The following FAM184B variants were observed in gnomAD, a reference collection of about 807,000 sequenced individuals.
FAM184B encodes the protein family with sequence similarity 184 member B, also known as protein FAM184B.
A neutral mutation model predicts 135.9 loss-of-function variants in FAM184B; 111 were observed. The ratio of observed to expected loss-of-function variants is 0.82; its 90% CI spans 0.70 to 0.96. The LOEUF (loss-of-function observed/expected upper bound fraction) is 0.96, where lower values mean the gene tolerates loss of function less well. Ranked by LOEUF, FAM184B falls within the 40% of genes least tolerant of loss-of-function variation. FAM184B has a pLI of 0.00. For missense variants in FAM184B, 1,375 were observed against 1,323.9 expected (o/e 1.04, Z -0.60); for synonymous variants, 552 against 524.8 (o/e 1.05, Z -0.71).
chr4:17,671,584 A>G (rs1432672019), intron 7 of FAM184B, among the ~76,000 whole-genome samples: 1 of 152,152 alleles, frequency 6.6e-6, no homozygotes, highest in East Asian at 1.9e-4. Context: ...TGTCTAATGC[A>G]TGGACACCAA....
At chr4:17,732,386 A>G (rs1405703658) in intron 1 of FAM184B, among the ~76,000 whole-genome samples, 5 of 152,374 alleles carry the variant, frequency 3.3e-5, no homozygotes, top group African/African-American at 7.2e-5. Flanking sequence ...AAAAACATCA[A>G]TGAATCCAGG....
chr4:17,639,762 C>T (rs1715253377), intron 13 of FAM184B, among the ~76,000 whole-genome samples: 1 of 151,960 alleles, frequency 6.6e-6, no homozygotes, highest in African/African-American at 2.4e-5. Context: ...GGCCTGAACG[C>T]TGGGACTCTG....
chr4:17,724,296 C>T (rs1386431270), intron 1 of FAM184B, among the ~76,000 whole-genome samples: 1 of 152,112 alleles, frequency 6.6e-6, no homozygotes, highest in African/African-American at 2.4e-5. Context: ...TTCTATGATG[C>T]ACATGGCACT....
chr4:17,766,690 G>A (rs1252660931), intron 1 of FAM184B, among the ~76,000 whole-genome samples: 2 of 152,228 alleles, frequency 1.3e-5, no homozygotes, highest in East Asian at 1.9e-4. Flanking sequence ...CAATCCCTTC[G>A]CTAGACATAA....
chr4:17,644,543 TG>T (rs1254493863), intron 12 of FAM184B, among the ~76,000 whole-genome samples: 1 of 152,224 alleles, frequency 6.6e-6, no homozygotes, highest in Non-Finnish European at 1.5e-5. Flanking sequence ...CAGCCCTTCA[TG>T]CTAAAAACTC....
At chr4:17,759,453 A>G (rs1381294973) in intron 1 of FAM184B, among the ~76,000 whole-genome samples, 1 of 151,738 alleles carries the variant, frequency 6.6e-6, no homozygotes, top group African/African-American at 2.4e-5. Context: ...AGCCAATTAA[A>G]TCTCTTTTCT....
At chr4:17,689,645 T>A (rs1013442437) in intron 6 of FAM184B, among the ~76,000 whole-genome samples, 3 of 152,072 alleles carry the variant, frequency 2.0e-5, no homozygotes, top group South Asian at 2.1e-4. Flanking sequence ...TTTAAAAAAA[T>A]TATTTTCTTT....
chr4:17,635,318 A>G (rs1056724613), intron 15 of FAM184B, among the ~76,000 whole-genome samples: 6 of 152,314 alleles, frequency 3.9e-5, no homozygotes, highest in Admixed American at 3.9e-4. Flanking sequence ...TTGTAAAGAA[A>G]AGGGCAAGCT....
At chr4:17,668,811 C>T (rs573998636) in intron 7 of FAM184B, among the ~76,000 whole-genome samples, 2 of 152,350 alleles carry the variant, frequency 1.3e-5, no homozygotes, top group East Asian at 3.9e-4. Flanking sequence ...GCTGGGATTA[C>T]AGGCATGAGC....
chr4:17,692,047 G>A (rs1428477246), intron 6 of FAM184B, among the ~76,000 whole-genome samples: 19 of 106,794 alleles, frequency 1.8e-4, no homozygotes, highest in African/African-American at 1.9e-4. Context: ...GCGAGACTCC[G>A]TCTCAAAAAA....
In FAM184B at chr4:17,709,622, C is replaced by A. The variant is rs557375448; in HGVS notation, c.164G>T (p.Arg55Leu). Residue 55 changes from arginine to leucine, a missense_variant, in exon 2 of 18, where the codon CGC becomes CTC. By Grantham distance (102) the Arg-to-Leu change is moderately radical. Coordinates refer to ENST00000265018, the MANE Select transcript of FAM184B (RefSeq NM_015688.2). ...LTKVIYALNT[R>L]QDEAEASMEA... ...CATGCTGGCCTCAGCCTCATCCTGG[C>A]GGGTGTTCAGGGCATAAATCACCTG... is the stretch of plus-strand genomic sequence containing the variant. The A allele has an allele frequency of 9.2e-6, 14 of 1,520,520 alleles. No homozygotes were observed. The African/African-American group carries it at 1.9e-4, about 21-fold the overall frequency. The allele number at this position is 1,520,520 out of a possible 1,614,324, so 94.2% of individuals were successfully genotyped here.
chr4:17,698,822 G>T (rs1056394191), intron 5 of FAM184B, among the ~76,000 whole-genome samples: 1 of 152,136 alleles, frequency 6.6e-6, no homozygotes, highest in Non-Finnish European at 1.5e-5. Context: ...TTAACTGCCT[G>T]TCAAAACAAA....
Position 17,743,108 on chromosome 4 carries a change from C to T in FAM184B, c.142-33464G>A, listed in dbSNP as rs532709826. On this transcript the variant is annotated intron_variant, in intron 1 of 17. Transcript: ENST00000265018. Reference sequence around the variant, plus strand: ...GTGGCCAGCAGCTGGCTGAGTGAAACGGGCCACTCCAGTTCCTGCCCACAA... The same window carrying T: ...GTGGCCAGCAGCTGGCTGAGTGAAATGGGCCACTCCAGTTCCTGCCCACAA... 1.6e-4 allele frequency among the ~76,000 whole-genome samples: 24 copies of T among 152,326 alleles called. No individual in the cohort carries two copies. The East Asian group carries it at 4.4e-3, about 28-fold the overall frequency.
chr4:17,764,901 CAA>C (rs765548279), intron 1 of FAM184B, among the ~76,000 whole-genome samples: 7 of 151,940 alleles, frequency 4.6e-5, no homozygotes, highest in African/African-American at 9.7e-5. Context: ...CTTGTCTCTA[CAA>C]AAAATAAACA....
In FAM184B at chr4:17,707,753, T is replaced by C. The variant is rs1259857415; in HGVS notation, c.926A>G (p.Gln309Arg). 3 of 1,551,988 alleles carry C rather than the reference T, an allele frequency of 1.9e-6. No individual in the cohort carries two copies. The highest frequency in any genetic ancestry group is 2.6e-6 in the Non-Finnish European group (3 of 1,147,026). ...DLDVQLKEAR[Q>R]ENSELKGTAK... ...AGTGCCTTTCAACTCTGAATTCTCC[T>C]GTCGAGCCTCCTTAAGCTGCACATC... The change falls in exon 3 of 18, where the codon CAG becomes CGG. Residue 309 changes from glutamine to arginine, a missense_variant. Gln to Arg is a conservative substitution (Grantham distance 43, BLOSUM62 1). Transcript: ENST00000265018.
At chr4:17,665,817 AC>A (rs1716034557) in intron 7 of FAM184B, among the ~76,000 whole-genome samples, 1 of 152,186 alleles carries the variant, frequency 6.6e-6, no homozygotes, top group South Asian at 2.1e-4. Context: ...GTCTGCACTA[AC>A]GGGGACTCCC....
intron 8 of FAM184B, among the ~76,000 whole-genome samples, chr4:17,664,329 A>C (rs1715994008): frequency 6.6e-6 from 1 of 152,220 alleles, no homozygotes; most frequent in African/African-American, 2.4e-5. Context: ...TTTGAGCTCC[A>C]GGTTCTTAAG....
intron 12 of FAM184B, 118 bp from the exon 13 acceptor site, chr4:17,642,346 C>A (rs1715347511): frequency 1.5e-6 from 2 of 1,374,508 alleles, no homozygotes; most frequent in Admixed American, 7.2e-5. Flanking sequence ...CAGGCTGGAG[C>A]CTGTGGCAGG....
chr4:17,777,918 T>A (rs191109262), intron 1 of FAM184B, among the ~76,000 whole-genome samples: 54 of 152,238 alleles, frequency 3.5e-4, no homozygotes, highest in Non-Finnish European at 7.1e-4. Context: ...GGCAACATAG[T>A]GAGACCCTGT....
Sources: allele counts gnomAD v4.1 joint callset (sites outside exome capture counted in the v4.1 genomes callset), GRCh38; gene constraint gnomAD v4.1.1; transcripts MANE v1.5; gene names NCBI Gene and HGNC (gene_info 2026-07-23, HGNC 2026-07-21).